The following NSRP1 variants were observed in gnomAD, a reference collection of about 807,000 sequenced individuals.
NSRP1 encodes coiled-coil domain containing 55.
A neutral mutation model predicts 54.7 loss-of-function variants in NSRP1; 24 were observed. The ratio of observed to expected loss-of-function variants is 0.44; its 90% confidence interval spans 0.32 to 0.62. The LOEUF is 0.62. Among genes scored for constraint, NSRP1 ranks in the 20% least tolerant of loss-of-function variants. The pLI, the probability that NSRP1 is intolerant of heterozygous loss-of-function variation, is 0.06. For missense variants in NSRP1, 596 were observed against 651.2 expected (o/e 0.92, Z 0.92); for synonymous variants, 210 against 213.8 (o/e 0.98, Z 0.15).
intron 1 of NSRP1, chr17:30,117,372 G>A: frequency 1.9e-6 from 1 of 520,860 alleles, no homozygotes; most frequent in Admixed American, 3.7e-5. Context: ...TGCCGCAAAA[G>A]AGACAAATAC....
At chr17:30,158,439 T>G (rs1347835292) in intron 2 of NSRP1, among the ~76,000 whole-genome samples, 7 of 152,128 alleles carry the variant, frequency 4.6e-5, no homozygotes, top group African/African-American at 1.7e-4. Flanking sequence ...GAGGGTTTTC[T>G]TTGCTGTACG....
chr17:30,169,754 T>A (rs1904857649), intron 2 of NSRP1, among the ~76,000 whole-genome samples: 1 of 152,048 alleles, frequency 6.6e-6, no homozygotes, highest in African/African-American at 2.4e-5. Flanking sequence ...TGCATACTTA[T>A]TTAATTTTTT....
chr17:30,145,532 G>A (rs58496629), intron 2 of NSRP1, among the ~76,000 whole-genome samples: 3,300 of 152,132 alleles, frequency 0.022, 93 homozygotes, highest in African/African-American at 0.072. Flanking sequence ...GCAGCGAGCC[G>A]AGATCACGCC....
rs146137157 is a variant in NSRP1 at position 30,127,807 on chromosome 17, A to G, written c.114+9634A>G. ...AGCTAAAATTTATTAACTTAGTTTT[A>G]CATTTTATTTAATTTACATTACTTA... On this transcript the variant is annotated intron_variant, in intron 2 of 6. Transcript: ENST00000247026. The G allele has an allele frequency of 8.0e-4, 310 of 388,992 alleles. 1 individual carries two copies. The East Asian group carries it at 0.011, about 13-fold the overall frequency. The allele number at this position is 388,992 out of a possible 1,614,324, so 24.1% of individuals were successfully genotyped here.
chr17:30,137,134 A>G (rs1266703331), intron 2 of NSRP1, among the ~76,000 whole-genome samples: 2 of 152,180 alleles, frequency 1.3e-5, no homozygotes, highest in Non-Finnish European at 2.9e-5. Flanking sequence ...CCTTATGAAG[A>G]TATTTCTAAT....
At chr17:30,127,696 G>A (rs973633772) in intron 2 of NSRP1, among the ~76,000 whole-genome samples, 1 of 152,092 alleles carries the variant, frequency 6.6e-6, no homozygotes, top group African/African-American at 2.4e-5. Flanking sequence ...TTATAGGTGT[G>A]AACTACTGTA....
chr17:30,185,296 A>T lies in NSRP1; in HGVS notation c.1299A>T (p.Lys433Asn), dbSNP rs1905485794. 1.2e-6 allele frequency: 2 copies of T among 1,605,302 alleles called. No individual in the cohort carries two copies. Among genetic ancestry groups the T allele is most frequent in the South Asian group, 2.3e-5 (2 of 88,700 alleles). ...AGGAAAGATATGAAAATAATGATAA[A>T]TACAGAGATAGAGAAAAACGAGAGG... ...VRKERYENND[K>N]YRDREKREVG... The change falls in exon 7 of 7, where the codon AAA becomes AAT. Residue 433 changes from lysine to asparagine, a missense_variant. Coordinates refer to ENST00000247026, the MANE Select transcript of NSRP1 (RefSeq NM_032141.4).
chr17:30,155,772 C>G (rs117866209), intron 2 of NSRP1, among the ~76,000 whole-genome samples: 1 of 152,134 alleles, frequency 6.6e-6, no homozygotes, highest in Non-Finnish European at 1.5e-5. Flanking sequence ...GCCTAATATT[C>G]TAACTTATTA....
intron 2 of NSRP1, among the ~76,000 whole-genome samples, chr17:30,138,104 A>G (rs1298735874): frequency 2.6e-5 from 4 of 152,170 alleles, no homozygotes; most frequent in Admixed American, 2.0e-4. Flanking sequence ...ACGTGGAATC[A>G]TATAGTATTT....
rs567658385 is a variant in NSRP1 at position 30,134,485 on chromosome 17, C to T, written c.114+16312C>T. Among the ~76,000 whole-genome samples the T allele has an allele frequency of 3.9e-5, 6 of 152,224 alleles. No homozygotes were observed. The South Asian group carries it at 6.2e-4, about 16-fold the overall frequency. ...AAAACAAGGAATACCTATAATGGTA[C>T]GGTCATTGTAATTTTCCTTTTTGTT... On this transcript the variant is annotated intron_variant, in intron 2 of 6. Coordinates refer to ENST00000247026, the MANE Select transcript of NSRP1 (RefSeq NM_032141.4).
At chr17:30,144,838 T>C (rs1262256316) in intron 2 of NSRP1, 1 of 152,224 alleles carries the variant, frequency 6.6e-6, no homozygotes, top group African/African-American at 2.4e-5. Flanking sequence ...AGCTCTTTTC[T>C]TCTTTATTAA....
chr17:30,179,881 G>T (rs947386035), intron 5 of NSRP1, among the ~76,000 whole-genome samples: 2 of 152,034 alleles, frequency 1.3e-5, no homozygotes, highest in African/African-American at 4.8e-5. Flanking sequence ...CTGTCACCCA[G>T]GCTGGAGTGC....
chr17:30,117,568 T>TG (rs2071549669), intron 1 of NSRP1: 1 of 389,318 alleles, frequency 2.6e-6, no homozygotes, highest in African/African-American at 2.1e-5. Flanking sequence ...ACTTGCCCCA[T>TG]GGCTACTTGG....
chr17:30,141,446 C>A (rs2071804140), intron 2 of NSRP1, among the ~76,000 whole-genome samples: 1 of 152,072 alleles, frequency 6.6e-6, no homozygotes, highest in South Asian at 2.1e-4. Context: ...CCACTTTTTG[C>A]TGTTAATCCT....
intron 2 of NSRP1, among the ~76,000 whole-genome samples, chr17:30,140,818 G>T (rs892253131): frequency 6.6e-6 from 1 of 151,952 alleles, no homozygotes; most frequent in Non-Finnish European, 1.5e-5. Flanking sequence ...GTGAGCCACC[G>T]CATCCGGCCC....
At chr17:30,121,855 G>A (rs1476183952) in intron 2 of NSRP1, among the ~76,000 whole-genome samples, 2 of 151,650 alleles carry the variant, frequency 1.3e-5, no homozygotes, top group African/African-American at 2.4e-5. Context: ...GGCGTGAGCC[G>A]CCGCGCCCGG....
chr17:30,179,253 G>A lies in NSRP1; in HGVS notation c.464G>A (p.Arg155Lys). 1.9e-6 allele frequency: 3 copies of A among 1,600,668 alleles called. No homozygotes were observed. The highest frequency in any genetic ancestry group is 2.6e-6 in the Non-Finnish European group (3 of 1,173,190). ...GCATATAAGAAAAAACTGCAAGAGA[G>A]AGCTGAAGAAGAAGAAAGAGAAAAG... ...TSAYKKKLQE[R>K]AEEEEREKRA... The change falls in exon 5 of 7, where the codon AGA becomes AAA. Residue 155 changes from arginine (R) to lysine (K), a missense_variant. By Grantham distance (26) the Arg-to-Lys change is conservative. Coordinates refer to ENST00000247026, the MANE Select transcript of NSRP1 (RefSeq NM_032141.4).
chr17:30,169,800 A>G (rs1380881757), intron 2 of NSRP1, among the ~76,000 whole-genome samples: 1 of 151,636 alleles, frequency 6.6e-6, no homozygotes, highest in Non-Finnish European at 1.5e-5. Flanking sequence ...TATTAAATTG[A>G]TTTGTCTGTG....
intron 2 of NSRP1, among the ~76,000 whole-genome samples, chr17:30,147,764 C>A (rs1302253367): frequency 6.6e-6 from 1 of 150,790 alleles, no homozygotes; most frequent in Non-Finnish European, 1.5e-5. Flanking sequence ...CGCCCAGCCC[C>A]GGCCAGACTT....
Sources: allele counts gnomAD v4.1 joint callset (sites outside exome capture counted in the v4.1 genomes callset), GRCh38; gene constraint gnomAD v4.1.1; transcripts MANE v1.5; gene names NCBI Gene and HGNC (gene_info 2026-07-23, HGNC 2026-07-21).